Variants in MTR observed in about 807,000 individuals in gnomAD.
MTR encodes methionine synthase.
A neutral mutation model predicts 154.8 loss-of-function variants in MTR; 84 were observed. That is an observed-to-expected ratio of 0.54 (90% confidence interval 0.45 to 0.65). MTR has a LOEUF of 0.65. Ranked by LOEUF, MTR falls within the 30% of genes least tolerant of loss-of-function variation. The pLI, the probability that MTR is intolerant of heterozygous loss-of-function variation, is 0.00. For missense variants in MTR, 1,275 were observed against 1,570.2 expected (o/e 0.81, Z 3.18); for synonymous variants, 554 against 553.9 (o/e 1.00, Z 0.00).
rs541572079 is a variant in MTR, at chr1:236,818,526, A to G, written c.764+1983A>G. Reference sequence around the variant, plus strand: ...AACATTCAGTTCTGACTTTTGATCCACTCAGTGGTTAATTAAAAATTTTTA... The same window carrying G: ...AACATTCAGTTCTGACTTTTGATCCGCTCAGTGGTTAATTAAAAATTTTTA... On this transcript the variant is annotated intron_variant, in intron 8 of 32. Transcript: ENST00000366577. 1.2e-4 allele frequency among the ~76,000 whole-genome samples: 19 copies of G among 152,258 alleles called. No individual in the cohort carries two copies. The East Asian group carries it at 2.9e-3, about 23-fold the overall frequency.
At position 236,866,039 on chromosome 1, in the gene MTR, A is replaced by G. The variant is rs564669598; in HGVS notation, c.2405+2485A>G. Among the ~76,000 whole-genome samples the G allele has an allele frequency of 7.9e-4, 120 of 152,294 alleles. 3 individuals are homozygous for G. Among genetic ancestry groups the G allele is most frequent in the African/African-American group, 2.8e-3 (118 of 41,562 alleles). On this transcript the variant is annotated intron_variant, in intron 22 of 32. Transcript: ENST00000366577. ...TTCGTAATATGTCACCTTACTTTAC[A>G]ATATTTTTTTTGACTTGAGTTGTAA...
At chr1:236,820,051 T>C (rs1661833990) in intron 8 of MTR, 2 of 801,284 alleles carry the variant, frequency 2.5e-6, no homozygotes, top group East Asian at 2.4e-5. Flanking sequence ...GAGGCATCTT[T>C]ATGTTAACCT....
At chr1:236,802,760 C>T (rs1359006463) in intron 1 of MTR, among the ~76,000 whole-genome samples, 2 of 152,000 alleles carry the variant, frequency 1.3e-5, no homozygotes, top group Non-Finnish European at 2.9e-5. Context: ...GGAGGCTGAA[C>T]GTTGCAAGTT....
At chr1:236,811,724 T>C (rs762358576) in intron 5 of MTR, 52 of 455,468 alleles carry the variant, frequency 1.1e-4, no homozygotes, top group Non-Finnish European at 2.1e-4. Flanking sequence ...TTAACGTCAT[T>C]GGCAGGTTTT....
In MTR at chr1:236,885,236, G is replaced by T. The variant is rs763995449; in HGVS notation, c.2775+17G>T. 96 of 1,477,144 alleles carry T rather than the reference G, an allele frequency of 6.5e-5. 1 individual carries two copies. The highest frequency in any genetic ancestry group is 9.0e-5 in the Non-Finnish European group (95 of 1,056,274). The allele number at this position is 1,477,144 out of a possible 1,614,324, so 91.5% of individuals were successfully genotyped here. A position where few individuals can be genotyped will look rare whatever the true frequency, so the allele number is the denominator to read the frequency against. On this transcript the variant is annotated intron_variant, in intron 26 of 32. Coordinates refer to ENST00000366577, the MANE Select transcript of MTR (RefSeq NM_000254.3). ...TCTCTCAAGGTAAGTGGTAGAAACA[G>T]ATTTTTGCTTGTTTTTAATGTGACT...
intron 13 of MTR, among the ~76,000 whole-genome samples, chr1:236,835,257 A>G (rs1011537927): frequency 2.6e-5 from 4 of 151,968 alleles, no homozygotes; most frequent in East Asian, 1.9e-4. Context: ...GGGTAAGAAG[A>G]TGGGGCCAGC....
intron 25 of MTR, 49 bp downstream of exon 25, chr1:236,880,885 A>G (rs1333436073): frequency 2.6e-6 from 4 of 1,514,300 alleles, no homozygotes; most frequent in African/African-American, 2.7e-5. Context: ...GAAAGCTTGC[A>G]TTACAAGTAA....
At chr1:236,829,787 C>G (rs763418378) in intron 12 of MTR, among the ~76,000 whole-genome samples, 24 of 152,134 alleles carry the variant, frequency 1.6e-4, no homozygotes, top group Non-Finnish European at 2.6e-4. Context: ...AGGTGGGTAG[C>G]CTCCCTTTTT....
intron 15 of MTR, among the ~76,000 whole-genome samples, chr1:236,847,966 C>T (rs959109847): frequency 1.5e-4 from 23 of 152,148 alleles, no homozygotes; most frequent in African/African-American, 5.6e-4. Context: ...GTGAACCTTA[C>T]GTGATATGAG....
chr1:236,860,014 A>G, intron 19 of MTR, 92 bp downstream of exon 19: 2 of 990,622 alleles, frequency 2.0e-6, no homozygotes, highest in East Asian at 3.3e-5. Context: ...GGAGAAGGAG[A>G]TGCCTAGACC....
At chr1:236,825,872 C>G (rs1662260234) in intron 10 of MTR, among the ~76,000 whole-genome samples, 1 of 152,216 alleles carries the variant, frequency 6.6e-6, no homozygotes, top group African/African-American at 2.4e-5. Flanking sequence ...ATCCCTGGGT[C>G]TCTTTCCCCT....
At chr1:236,886,717 C>A (rs1319813022) in intron 27 of MTR, among the ~76,000 whole-genome samples, 1 of 152,190 alleles carries the variant, frequency 6.6e-6, no homozygotes, top group Admixed American at 6.5e-5. Context: ...TCTTCTAAAG[C>A]CATGCTCTTT....
Position 236,811,256 on chromosome 1 carries a change from A to G in MTR, c.502+661A>G, listed in dbSNP as rs143801846. ...AGGAAAGACCTGCCCCCATGATTCA[A>G]TTACCCTCACCAGGTCCCCTCTCAC... On this transcript the variant is annotated intron_variant, in intron 5 of 32. Transcript: ENST00000366577. Among the ~76,000 whole-genome samples, 291 of 152,278 alleles carry G rather than the reference A, an allele frequency of 1.9e-3. 4 individuals are homozygous for G. In the Middle Eastern group the frequency reaches 0.048, roughly 25 times the overall value.
At chr1:236,871,754 G>C (rs1665147014) in intron 22 of MTR, among the ~76,000 whole-genome samples, 1 of 152,074 alleles carries the variant, frequency 6.6e-6, no homozygotes, top group African/African-American at 2.4e-5. Flanking sequence ...TTTGCTACTG[G>C]GTTAGTGCCA....
In MTR at chr1:236,853,994, G is replaced by C. The variant is rs143977751; in HGVS notation, c.1953+906G>C. On this transcript the variant is annotated intron_variant, in intron 18 of 32. Transcript: ENST00000366577. ...GTTTAAGAGAATGATGGCAAAGGAA[G>C]ATATTTTTCCCACAAAGCATGTTGA... Among the ~76,000 whole-genome samples, 115 of 152,324 alleles carry C rather than the reference G, an allele frequency of 7.5e-4. 2 individuals carry two copies. The East Asian group carries it at 0.017, about 22-fold the overall frequency.
chr1:236,821,859 G>T (rs79488360), intron 8 of MTR, among the ~76,000 whole-genome samples: 3,401 of 152,232 alleles, frequency 0.022, 147 homozygotes, highest in African/African-American at 0.078. Context: ...TCAAAGATTA[G>T]TTGAATGTAT....
chr1:236,829,229 C>A lies in MTR; in HGVS notation c.1036C>A (p.Pro346Thr), dbSNP rs575229292. The change falls in exon 12 of 33, where the codon CCA becomes ACA. Residue 346 changes from proline to threonine, a missense_variant. Coordinates refer to ENST00000366577, the MANE Select transcript of MTR (RefSeq NM_000254.3). ...TGTGAAAAATTGTAAGCCTAGAGTT[C>A]CACCTGCCACTGCTTTTGAAGGACA... ...EAVKNCKPRV[P>T]PATAFEGHML... 4.8e-5 allele frequency: 77 copies of A among 1,613,978 alleles called. 1 individual carries two copies. The South Asian group carries it at 8.0e-4, about 17-fold the overall frequency.
At chr1:236,813,287 T>G (rs756278691) in intron 6 of MTR, among the ~76,000 whole-genome samples, 3 of 152,180 alleles carry the variant, frequency 2.0e-5, no homozygotes, top group Non-Finnish European at 4.4e-5. Context: ...ATGTGTGTGT[T>G]TGTGTTCCTT....
Position 236,863,478 on chromosome 1 carries a change from C to G in MTR, c.2329C>G (p.Leu777Val), listed in dbSNP as rs758778075. Residue 777 changes from leucine to valine, a missense_variant, in exon 22 of 33, where the codon CTG becomes GTG. Transcript: ENST00000366577. ...EEDPYQGTIV[L>V]ATVKGDVHDI... Reference sequence around the variant, plus strand: ...GGACCCTTACCAGGGCACCATCGTGCTGGCCACTGTTAAAGGCGACGTGCA... The same window carrying G: ...GGACCCTTACCAGGGCACCATCGTGGTGGCCACTGTTAAAGGCGACGTGCA... The G allele has an allele frequency of 1.9e-6, 3 of 1,614,004 alleles. No homozygotes were observed. The highest frequency in any genetic ancestry group is 2.5e-6 in the Non-Finnish European group (3 of 1,179,964).
Sources: gnomAD v4.1 joint callset for allele counts (sites outside exome capture counted in the v4.1 genomes callset) on GRCh38, gnomAD v4.1.1 for gene constraint, MANE v1.5 for transcripts, NCBI Gene and HGNC (gene_info 2026-07-23, HGNC 2026-07-21) for gene names.